Variants in TRAK1 observed in about 807,000 individuals in gnomAD.
The protein encoded by TRAK1 is trafficking kinesin-binding protein 1.
In TRAK1, 33 loss-of-function variants were observed where a neutral mutation model predicts 92.1. The ratio of observed to expected loss-of-function variants is 0.36; its 90% CI spans 0.27 to 0.48. TRAK1 has a LOEUF of 0.48. Among genes scored for constraint, TRAK1 ranks in the 20% least tolerant of loss-of-function variants. The pLI, the probability that TRAK1 is intolerant of heterozygous loss-of-function variation, is 0.99. For missense variants in TRAK1, 1,123 were observed against 1,257.9 expected (o/e 0.89, Z 1.62); for synonymous variants, 521 against 517.3 (o/e 1.01, Z -0.10).
chr3:42,015,416 T>C (rs931768079), intron 1 of TRAK1, among the ~76,000 whole-genome samples: 1 of 152,034 alleles, frequency 6.6e-6, no homozygotes, highest in East Asian at 1.9e-4. Context: ...CAGCGCTCGC[T>C]TGAGGGTGTC....
At chr3:42,086,532 G>T (rs1704688190), upstream of TRAK1, among the ~76,000 whole-genome samples, 1 of 151,924 alleles carries the variant, frequency 6.6e-6, no homozygotes, top group Admixed American at 6.6e-5. Flanking sequence ...GGCCAGGCTG[G>T]TCTTGAACTC....
chr3:42,013,200 C>T (rs1191145289), upstream of TRAK1, among the ~76,000 whole-genome samples: 2 of 152,190 alleles, frequency 1.3e-5, no homozygotes, highest in African/African-American at 4.8e-5. This position sits in a 1 kb window ranked among gnomAD's most constrained non-coding sequence, Gnocchi z 5.1. Context: ...GTCCCCGGCT[C>T]CATCCTCCCT....
At chr3:42,128,918 ATTTATT>A (rs1443742134) in intron 2 of TRAK1, among the ~76,000 whole-genome samples, 2 of 152,222 alleles carry the variant, frequency 1.3e-5, no homozygotes, top group African/African-American at 2.4e-5. Context: ...ATTCTGTCTT[ATTTATT>A]TAGATCTTTT....
chr3:42,160,372 G>C (rs760750844), intron 2 of TRAK1: 7 of 1,614,178 alleles, frequency 4.3e-6, no homozygotes, highest in Non-Finnish European at 5.1e-6. Flanking sequence ...ATGTCCCTGC[G>C]AGACAAGGGC....
At chr3:42,144,446 T>C (rs550401662) in intron 2 of TRAK1, among the ~76,000 whole-genome samples, 1 of 152,316 alleles carries the variant, frequency 6.6e-6, no homozygotes, top group East Asian at 1.9e-4. Context: ...TGATGTTATC[T>C]AATAAGGTCA....
chr3:42,100,861 G>T (rs1032601950), intron 1 of TRAK1, among the ~76,000 whole-genome samples: 1 of 152,142 alleles, frequency 6.6e-6, no homozygotes, highest in African/African-American at 2.4e-5. Context: ...TAGAGACAGG[G>T]TTTCACCATA....
intron 1 of TRAK1, among the ~76,000 whole-genome samples, chr3:42,122,643 A>G (rs921612744): frequency 1.3e-5 from 2 of 151,824 alleles, no homozygotes; most frequent in African/African-American, 4.8e-5. Flanking sequence ...CTTCATGGGA[A>G]CTCACTCTTT....
At chr3:42,152,811 T>A (rs1700102623) in intron 2 of TRAK1, among the ~76,000 whole-genome samples, 1 of 152,234 alleles carries the variant, frequency 6.6e-6, no homozygotes, top group Non-Finnish European at 1.5e-5. Flanking sequence ...CAGCCCTCTT[T>A]GTAGTTACTC....
At chr3:42,213,942 C>T (rs1158928883) in intron 14 of TRAK1, among the ~76,000 whole-genome samples, 1 of 152,098 alleles carries the variant, frequency 6.6e-6, no homozygotes, top group African/African-American at 2.4e-5. Context: ...TTAGGAGATG[C>T]TAAGGAAAGC....
intron 1 of TRAK1, among the ~76,000 whole-genome samples, chr3:42,125,103 G>A (rs984174659): frequency 1.3e-5 from 2 of 152,192 alleles, no homozygotes; most frequent in East Asian, 1.9e-4. Context: ...AACGCTTGAA[G>A]GAGAATGGCC....
intron 1 of TRAK1, among the ~76,000 whole-genome samples, chr3:42,067,398 C>G (rs902868363): frequency 2.0e-5 from 3 of 152,288 alleles, no homozygotes; most frequent in East Asian, 1.9e-4. Flanking sequence ...TCTTCTCACT[C>G]GATCCTACAG....
chr3:42,069,205 G>T (rs1448821276), intron 1 of TRAK1, among the ~76,000 whole-genome samples: 1 of 151,828 alleles, frequency 6.6e-6, no homozygotes, highest in African/African-American at 2.4e-5. Flanking sequence ...GGTGGTGCAT[G>T]CCTGTAGTCT....
At chr3:42,156,872 G>A (rs576656145) in intron 2 of TRAK1, among the ~76,000 whole-genome samples, 12 of 152,312 alleles carry the variant, frequency 7.9e-5, no homozygotes, top group Non-Finnish European at 1.6e-4. Flanking sequence ...GATGGGGGCC[G>A]GGTTCTGTGG....
chr3:42,066,972 C>T (rs1386995075), intron 1 of TRAK1, among the ~76,000 whole-genome samples: 2 of 152,198 alleles, frequency 1.3e-5, no homozygotes, highest in Admixed American at 1.3e-4. Context: ...TTGGCTTCTT[C>T]TCTCAATACC....
At chr3:42,051,654 A>C (rs1702988609) in intron 1 of TRAK1, 1 of 152,260 alleles carries the variant, frequency 6.6e-6, no homozygotes. Flanking sequence ...CAGCTTGAGC[A>C]GCTGAGTGGC....
chr3:42,191,600 G>A lies in TRAK1; in HGVS notation c.733G>A (p.Glu245Lys). Reference protein sequence around the residue: ...KTETITYEEKEQQLVNDCVKE... With the variant: ...KTETITYEEKKQQLVNDCVKE... ...AGAGACCATCACCTATGAGGAGAAG[G>A]AGCAGCAGCTGGTCAATGACTGCGT... is the stretch of plus-strand genomic sequence containing the variant. Residue 245 changes from glutamate (E) to lysine (K), a missense_variant, in exon 7 of 16, where the codon GAG becomes AAG. Physicochemically the swap from Glu to Lys is moderately conservative, Grantham distance 56. Coordinates refer to ENST00000327628, the MANE Select transcript of TRAK1 (RefSeq NM_001042646.3). The A allele has an allele frequency of 3.1e-6, 5 of 1,604,464 alleles. No individual in the cohort carries two copies. The highest frequency in any genetic ancestry group is 4.3e-6 in the Non-Finnish European group (5 of 1,175,584).
intron 1 of TRAK1, among the ~76,000 whole-genome samples, chr3:42,124,345 A>C (rs1434264078): frequency 1.3e-5 from 2 of 152,202 alleles, no homozygotes; most frequent in Non-Finnish European, 2.9e-5. Flanking sequence ...TGCCTTATGC[A>C]AATAGGCTGA....
chr3:42,043,866 CTTCTA>C (rs1297369461), intron 1 of TRAK1, among the ~76,000 whole-genome samples: 4 of 151,786 alleles, frequency 2.6e-5, no homozygotes, highest in Non-Finnish European at 4.4e-5. Flanking sequence ...GACAGACGGC[CTTCTA>C]TACCTTTCAG....
upstream of TRAK1, among the ~76,000 whole-genome samples, chr3:42,082,864 C>A (rs1704501090): frequency 1.3e-5 from 2 of 152,210 alleles, no homozygotes; most frequent in Admixed American, 6.5e-5. Flanking sequence ...AGACCACATT[C>A]ATCATCTACT....
Sources: gnomAD v4.1 joint callset for allele counts (sites outside exome capture counted in the v4.1 genomes callset) on GRCh38, gnomAD v4.1.1 for gene constraint, Gnocchi (gnomAD v3.1) non-coding constraint, MANE v1.5 for transcripts, NCBI Gene and HGNC (gene_info 2026-07-23, HGNC 2026-07-21) for gene names.